Variants in FYB1 observed in about 807,000 individuals in gnomAD.
FYB1 encodes the protein FYN-binding protein 1.
FYB1 carries 41 observed loss-of-function variants against 94.1 expected under a neutral mutation model. The observed-to-expected ratio is 0.44, with a 90% CI of 0.34 to 0.57. FYB1 has a LOEUF of 0.57. Ranked by LOEUF, FYB1 falls within the 20% of genes least tolerant of loss-of-function variation. The pLI is 0.02. For missense variants in FYB1, 1,050 were observed against 976.8 expected (o/e 1.07, Z -1.00); for synonymous variants, 367 against 353.2 (o/e 1.04, Z -0.44).
At chr5:39,176,111 A>G (rs1264476151) in intron 2 of FYB1, among the ~76,000 whole-genome samples, 1 of 143,078 alleles carries the variant, frequency 7.0e-6, no homozygotes, top group Non-Finnish European at 1.5e-5. Context: ...TCTTGTGTTC[A>G]GAGAATCCCA....
chr5:39,265,364 G>A (rs1366233122), intron 1 of FYB1, among the ~76,000 whole-genome samples: 1 of 152,026 alleles, frequency 6.6e-6, no homozygotes, highest in East Asian at 1.9e-4. Flanking sequence ...GGCGCTTACA[G>A]TCCCAGCTAC....
At chr5:39,162,716 T>C (rs961016839) in intron 2 of FYB1, among the ~76,000 whole-genome samples, 7 of 91,654 alleles carry the variant, frequency 7.6e-5, no homozygotes, top group Non-Finnish European at 1.8e-4. Flanking sequence ...TGCCGTTTAG[T>C]GATTTTTTTT....
chr5:39,182,677 A>G (rs906800630), intron 2 of FYB1, among the ~76,000 whole-genome samples: 1 of 152,188 alleles, frequency 6.6e-6, no homozygotes, highest in African/African-American at 2.4e-5. Context: ...GGTCTTTGAA[A>G]GTCAGAGTAC....
intron 9 of FYB1, among the ~76,000 whole-genome samples, chr5:39,131,395 C>A (rs148934267): frequency 9.9e-4 from 151 of 152,242 alleles, no homozygotes; most frequent in African/African-American, 3.2e-3. Context: ...CACTTTTACA[C>A]CTAGCTGCAC....
chr5:39,169,769 G>A, intron 2 of FYB1: 2 of 491,422 alleles, frequency 4.1e-6, no homozygotes, highest in South Asian at 1.7e-5. Context: ...TGTGCTCAGT[G>A]CAGGCAGCAT....
intron 1 of FYB1, among the ~76,000 whole-genome samples, chr5:39,236,464 T>C (rs1024440083): frequency 6.6e-6 from 1 of 152,050 alleles, no homozygotes; most frequent in African/African-American, 2.4e-5. Context: ...TAGTGTGATG[T>C]TGCACATGTG....
At chr5:39,243,344 C>T (rs1196861063) in intron 1 of FYB1, among the ~76,000 whole-genome samples, 2 of 151,638 alleles carry the variant, frequency 1.3e-5, no homozygotes, top group Non-Finnish European at 1.5e-5. Flanking sequence ...GATCCAGTTT[C>T]AGCTTTCTAC....
intron 1 of FYB1, among the ~76,000 whole-genome samples, chr5:39,273,342 A>T (rs1209217629): frequency 6.6e-6 from 1 of 152,258 alleles, no homozygotes; most frequent in Non-Finnish European, 1.5e-5. Flanking sequence ...AGTTGAGTTG[A>T]AACTCCCAAC....
intron 16 of FYB1, among the ~76,000 whole-genome samples, chr5:39,111,237 G>A (rs548069362): frequency 6.6e-6 from 1 of 151,860 alleles, no homozygotes; most frequent in African/African-American, 2.4e-5. Context: ...TTAGTTTTGT[G>A]TTAGTGCCTA....
chr5:39,124,759 A>C (rs1276618815), intron 12 of FYB1, among the ~76,000 whole-genome samples: 7 of 152,140 alleles, frequency 4.6e-5, no homozygotes, highest in Non-Finnish European at 8.8e-5. Flanking sequence ...TATATACCCC[A>C]AAACAGGAAA....
chr5:39,149,164 T>C (rs1743029768), intron 3 of FYB1, among the ~76,000 whole-genome samples: 1 of 152,144 alleles, frequency 6.6e-6, no homozygotes, highest in African/African-American at 2.4e-5. Context: ...TTATTTTCAG[T>C]TATTTAGGAT....
chr5:39,227,452 T>G (rs1310345180), intron 1 of FYB1, among the ~76,000 whole-genome samples: 1 of 151,674 alleles, frequency 6.6e-6, no homozygotes, highest in African/African-American at 2.4e-5. Context: ...CAACTTGTAT[T>G]CAAGTGGCTT....
chr5:39,118,812 T>C lies in FYB1; in HGVS notation c.2401+62A>G, dbSNP rs556455109. 45 of 1,084,990 alleles carry C rather than the reference T, an allele frequency of 4.1e-5. No individual in the cohort carries two copies. In the African/African-American group the frequency reaches 6.1e-4, roughly 15 times the overall value. The allele number at this position is 1,084,990 out of a possible 1,614,324, so 67.2% of individuals were successfully genotyped here. A position where few individuals can be genotyped will look rare whatever the true frequency, so the allele number is the denominator to read the frequency against. On this transcript the variant is annotated intron_variant, in intron 16 of 18. Coordinates refer to ENST00000512982, the MANE Select transcript of FYB1 (RefSeq NM_001465.6). ...ACACAGAGTAGTCACTAAAACTTGT[T>C]TGGTTGTTAAATTCTGGAGTGACAT... is the stretch of plus-strand genomic sequence containing the variant.
intron 13 of FYB1, among the ~76,000 whole-genome samples, chr5:39,123,890 C>T (rs1561137928): frequency 2.6e-5 from 4 of 152,078 alleles, no homozygotes; most frequent in Admixed American, 2.6e-4. Flanking sequence ...AAGAGGCTTA[C>T]TGGCATGTAA....
At chr5:39,179,548 C>CTTTTTTTTT (rs11405241) in intron 2 of FYB1, among the ~76,000 whole-genome samples, 1 of 139,622 alleles carries the variant, frequency 7.2e-6, no homozygotes. Context: ...CTTCTTTTTT[C>CTTTTTTTTT]TTTTTTTTTT....
At chr5:39,231,516 A>T (rs1209813180) in intron 1 of FYB1, among the ~76,000 whole-genome samples, 7 of 152,286 alleles carry the variant, frequency 4.6e-5, no homozygotes, top group African/African-American at 1.7e-4. Flanking sequence ...TACAATGACT[A>T]TTGCAGGGTA....
rs111256411 is a variant in FYB1, at chr5:39,227,902, G to A, written c.-27-24915C>T. The stretch of plus-strand genomic sequence containing the variant: ...GAATTGTTTTTCTTGAATCCCATAA[G>A]ATTGACCCAAAATGTTTTTCACTGG... On this transcript the variant is annotated intron_variant, in intron 1 of 1. Transcript: ENST00000510188. 5.9e-5 allele frequency among the ~76,000 whole-genome samples: 9 copies of A among 152,250 alleles called. 1 individual carries two copies. Among genetic ancestry groups the A allele is most frequent in the African/African-American group, 2.2e-4 (9 of 41,540 alleles).
chr5:39,139,264 A>G lies in FYB1; in HGVS notation c.1340-12T>C. On this transcript the variant is annotated splice_polypyrimidine_tract_variant and intron_variant, in intron 4 of 18. Transcript: ENST00000512982. ...TAGATTTCCAGCACCTAAAAGATTA[A>G]AAAAATAAAATTTAATACATTTGTA... 2 of 1,446,950 alleles carry G rather than the reference A, an allele frequency of 1.4e-6. No homozygotes were observed. The highest frequency in any genetic ancestry group is 1.9e-6 in the Non-Finnish European group (2 of 1,070,010). 89.6% of individuals were successfully genotyped at this position (1,446,950 alleles called of 1,614,324 possible).
At chr5:39,213,874 C>A (rs1749635269) in intron 1 of FYB1, among the ~76,000 whole-genome samples, 1 of 151,950 alleles carries the variant, frequency 6.6e-6, no homozygotes, top group Non-Finnish European at 1.5e-5. Flanking sequence ...AAACTTATTA[C>A]CAGGGGTGGT....
Sources: allele counts gnomAD v4.1 joint callset (sites outside exome capture counted in the v4.1 genomes callset), GRCh38; gene constraint gnomAD v4.1.1; transcripts MANE v1.5; gene names NCBI Gene and HGNC (gene_info 2026-07-23, HGNC 2026-07-21).